The following RAD51B variants were observed in gnomAD, a reference collection of about 807,000 sequenced individuals.
RAD51B encodes the protein RAD51 paralog B.
Under a neutral mutation model 42.2 loss-of-function variants are expected in RAD51B, and 38 were observed. The ratio of observed to expected loss-of-function variants is 0.90; its 90% confidence interval spans 0.70 to 1.18. The LOEUF (loss-of-function observed/expected upper bound fraction) is 1.18, where lower values mean the gene tolerates loss of function less well. Among genes scored for constraint, RAD51B ranks in the 50% most tolerant of loss-of-function variants. RAD51B has a pLI of 0.00. For synonymous variants in RAD51B, 154 were observed against 145.2 expected (o/e 1.06, Z -0.43); for missense variants, 373 against 400.7 (o/e 0.93, Z 0.59).
rs147089282 is a variant in RAD51B, at chr14:68,492,224, C to T, written c.1036+23974C>T. Among the ~76,000 whole-genome samples, 47 of 152,288 alleles carry T rather than the reference C, an allele frequency of 3.1e-4. 1 individual carries two copies. The East Asian group carries it at 6.6e-3, about 21-fold the overall frequency. On this transcript the variant is annotated intron_variant, in intron 10 of 10. Coordinates refer to the RAD51B transcript ENST00000487270. ...GACTGACCCACTTAAAATTGCAACC[C>T]GCTCTGCTTACCCCCATCCTGCTCT...
intron 11 of RAD51B, among the ~76,000 whole-genome samples, chr14:68,660,227 T>A (rs1178865562): frequency 1.3e-5 from 2 of 152,214 alleles, no homozygotes; most frequent in East Asian, 1.9e-4. Flanking sequence ...ATCCTGTTTT[T>A]AAAAATATTT....
chr14:68,111,905 G>A (rs2077465182), intron 7 of RAD51B, among the ~76,000 whole-genome samples: 1 of 152,032 alleles, frequency 6.6e-6, no homozygotes. Context: ...TGTTACTTGT[G>A]CGATGTTCCT....
chr14:68,233,015 A>T (rs1005321750), intron 7 of RAD51B, among the ~76,000 whole-genome samples: 1 of 152,158 alleles, frequency 6.6e-6, no homozygotes, highest in Non-Finnish European at 1.5e-5. Context: ...CCGTCTTCAG[A>T]TGCTGGGATG....
chr14:68,232,514 G>T (rs1216410357), intron 7 of RAD51B, among the ~76,000 whole-genome samples: 1 of 152,194 alleles, frequency 6.6e-6, no homozygotes, highest in Non-Finnish European at 1.5e-5. Flanking sequence ...AAGCCTCGCT[G>T]TACATAAAAG....
intron 10 of RAD51B, among the ~76,000 whole-genome samples, chr14:68,581,314 G>T (rs946433309): frequency 6.6e-6 from 1 of 152,180 alleles, no homozygotes; most frequent in Non-Finnish European, 1.5e-5. Flanking sequence ...GGCCAATGCC[G>T]TACAGTGTGC....
chr14:67,942,052 A>G (rs2045228402), intron 7 of RAD51B, among the ~76,000 whole-genome samples: 1 of 152,232 alleles, frequency 6.6e-6, no homozygotes, highest in Non-Finnish European at 1.5e-5. Context: ...TGTAGTAAAG[A>G]GAGGAAAAGC....
rs1372865160 is a variant in RAD51B at position 67,978,919 on chromosome 14, A to G, written c.756+91715A>G. On this transcript the variant is annotated intron_variant, in intron 7 of 10. Coordinates refer to ENST00000471583, the MANE Select transcript of RAD51B (RefSeq NM_133510.4). ...ACTAACTTTTGCCACATGAAACTGT[A>G]TAATCAACCTCATTTGAAAGTGCAC... Among the ~76,000 whole-genome samples the G allele has an allele frequency of 3.3e-5, 5 of 152,370 alleles. No homozygotes were observed. The East Asian group carries it at 9.6e-4, about 29-fold the overall frequency.
intron 10 of RAD51B, chr14:68,540,552 A>G: frequency 2.0e-6 from 2 of 985,400 alleles, no homozygotes; most frequent in African/African-American, 1.7e-5. Flanking sequence ...TCAAACAATA[A>G]GTATTTGCAA....
intron 7 of RAD51B, among the ~76,000 whole-genome samples, chr14:68,224,594 A>C (rs1006876640): frequency 6.6e-6 from 1 of 152,204 alleles, no homozygotes; most frequent in African/African-American, 2.4e-5. Flanking sequence ...CATCTGATAA[A>C]TATTTATTAA....
In RAD51B at chr14:68,648,036, T is replaced by TATAC. The variant is rs375269798; in HGVS notation, c.1037-2744_1037-2743insTACA. Among the ~76,000 whole-genome samples the TATAC allele has an allele frequency of 6.1e-4, 69 of 114,000 alleles. 1 individual carries two copies. Among genetic ancestry groups the TATAC allele is most frequent in the Non-Finnish European group, 7.7e-4 (43 of 56,144 alleles). The allele number at this position is 114,000 out of a possible 152,430, so 74.8% of individuals were successfully genotyped here. A position where few individuals can be genotyped will look rare whatever the true frequency, so the allele number is the denominator to read the frequency against. On this transcript the variant is annotated intron_variant, in intron 10 of 11. Transcript: ENST00000488612. ...ATATATATATACGTATATATATATA[T>TATAC]ACACACGTATATAGATGTGTGTGTG...
chr14:68,462,578 A>G (rs1167154583), intron 9 of RAD51B, among the ~76,000 whole-genome samples: 2 of 152,226 alleles, frequency 1.3e-5, no homozygotes, highest in South Asian at 2.1e-4. Flanking sequence ...ATTAATCAAA[A>G]CAGAGTCTCA....
intron 7 of RAD51B, among the ~76,000 whole-genome samples, chr14:68,054,440 G>A (rs943335296): frequency 2.0e-5 from 3 of 152,146 alleles, no homozygotes; most frequent in Non-Finnish European, 4.4e-5. Context: ...CTGTTGTTAT[G>A]TAAAACTATG....
chr14:68,120,146 A>G (rs1004163502), intron 7 of RAD51B, among the ~76,000 whole-genome samples: 8 of 151,340 alleles, frequency 5.3e-5, no homozygotes, highest in Admixed American at 6.6e-5. Context: ...CATGTCCTTC[A>G]CCCACTTTTT....
At chr14:68,267,122 G>T (rs2081007721) in intron 7 of RAD51B, among the ~76,000 whole-genome samples, 1 of 152,182 alleles carries the variant, frequency 6.6e-6, no homozygotes, top group Non-Finnish European at 1.5e-5. Flanking sequence ...GTGTTCTTCA[G>T]ATAGGTAAAA....
chr14:68,630,518 G>A (rs531619071), intron 10 of RAD51B, among the ~76,000 whole-genome samples: 46 of 152,154 alleles, frequency 3.0e-4, no homozygotes, highest in African/African-American at 1.1e-3. Flanking sequence ...ATGCACCTCC[G>A]GACTTGGAGA....
chr14:68,088,613 T>C (rs1024950516), intron 7 of RAD51B, among the ~76,000 whole-genome samples: 13 of 138,530 alleles, frequency 9.4e-5, no homozygotes, highest in Non-Finnish European at 2.0e-4. Context: ...TGTGTGCGCG[T>C]GTGTGTGAGA....
intron 7 of RAD51B, among the ~76,000 whole-genome samples, chr14:67,993,913 G>T (rs1198923767): frequency 6.6e-6 from 1 of 152,008 alleles, no homozygotes; most frequent in Non-Finnish European, 1.5e-5. Context: ...GATTTTTAAC[G>T]CTGTATGCTA....
chr14:68,311,577 G>A (rs1384880368), intron 8 of RAD51B, among the ~76,000 whole-genome samples: 1 of 152,200 alleles, frequency 6.6e-6, no homozygotes, highest in African/African-American at 2.4e-5. Context: ...TCATTTGTGA[G>A]GAGGACAAGA....
At position 67,885,914 on chromosome 14, in the gene RAD51B, T is replaced by G; in HGVS notation, c.498T>G (p.Thr166=). ...AESRFPRYFN[T]EEKLLLTSSK... The stretch of plus-strand genomic sequence containing the variant: ...CCCGTTTTCCCAGATATTTTAACAC[T>G]GAAGAAAAGTTACTTTTGACAAGTA... The change falls in exon 6 of 11, where the codon ACT becomes ACG. Residue 166 remains threonine (T), a synonymous_variant. Coordinates refer to ENST00000471583, the MANE Select transcript of RAD51B (RefSeq NM_133510.4). 6.2e-7 allele frequency: 1 copy of G among 1,607,912 alleles called. No individual in the cohort carries two copies. The highest frequency in any genetic ancestry group is 8.5e-7 in the Non-Finnish European group (1 of 1,175,620).
Sources: allele counts gnomAD v4.1 joint callset (sites outside exome capture counted in the v4.1 genomes callset), GRCh38; gene constraint gnomAD v4.1.1; transcripts MANE v1.5; gene names NCBI Gene and HGNC (gene_info 2026-07-23, HGNC 2026-07-21).